ACSS3: variants seen among roughly 807,000 people sequenced by gnomAD.
ACSS3 encodes acyl-CoA synthetase short chain family member 3, also known as acyl-CoA synthetase short-chain family member 3, mitochondrial.
ACSS3 carries 64 observed loss-of-function variants against 84.2 expected under a neutral mutation model. The observed-to-expected ratio is 0.76, with a 90% CI of 0.62 to 0.94. The LOEUF is 0.94. Among genes scored for constraint, ACSS3 ranks in the 40% least tolerant of loss-of-function variants. The probability of loss-of-function intolerance (pLI) is 0.00; values close to 1 mark genes in which losing one functional copy is unlikely to be tolerated. For synonymous variants in ACSS3, 317 were observed against 310.1 expected, an observed-to-expected ratio of 1.02 and a Z score of -0.23; for missense variants, 815 against 867.6, an observed-to-expected ratio of 0.94 and a Z score of 0.76.
At chr12:81,111,566 C>T (rs144244708) in intron 2 of ACSS3, among the ~76,000 whole-genome samples, 88 of 152,266 alleles carry the variant, frequency 5.8e-4, no homozygotes, top group East Asian at 3.9e-3. Context: ...CGATCCCAGA[C>T]GGGATAGGGC....
chr12:81,180,234 G>C (rs772455353), intron 8 of ACSS3, among the ~76,000 whole-genome samples: 2 of 152,102 alleles, frequency 1.3e-5, no homozygotes, highest in Non-Finnish European at 2.9e-5. Context: ...AGAGTGTGGA[G>C]GATCAGGATC....
chr12:81,214,358 A>C (rs1176309988), intron 9 of ACSS3, among the ~76,000 whole-genome samples: 1 of 152,144 alleles, frequency 6.6e-6, no homozygotes, highest in Admixed American at 6.5e-5. Flanking sequence ...CTTTGAATGA[A>C]TCAATCAAAA....
intron 9 of ACSS3, among the ~76,000 whole-genome samples, chr12:81,203,661 C>T (rs2032211103): frequency 6.6e-6 from 1 of 152,120 alleles, no homozygotes; most frequent in Non-Finnish European, 1.5e-5. Context: ...TTGTTCACCA[C>T]CACTGAAGCA....
chr12:81,238,312 T>C (rs2033691479), intron 13 of ACSS3, among the ~76,000 whole-genome samples: 1 of 151,774 alleles, frequency 6.6e-6, no homozygotes, highest in Non-Finnish European at 1.5e-5. Flanking sequence ...ATTAATACAA[T>C]GGGAATATTT....
intron 2 of ACSS3, among the ~76,000 whole-genome samples, chr12:81,119,572 A>G (rs1450576328): frequency 1.3e-5 from 2 of 152,110 alleles, no homozygotes; most frequent in Non-Finnish European, 2.9e-5. Context: ...CCAGGAATGC[A>G]TTCCTTTCCC....
chr12:81,177,038 T>C (rs1294067973), intron 8 of ACSS3, among the ~76,000 whole-genome samples: 1 of 152,076 alleles, frequency 6.6e-6, no homozygotes, highest in African/African-American at 2.4e-5. Flanking sequence ...ATATGAGTCA[T>C]CACATAAAAA....
chr12:81,224,573 C>T (rs997882071), intron 11 of ACSS3, among the ~76,000 whole-genome samples: 17 of 135,204 alleles, frequency 1.3e-4, no homozygotes, highest in African/African-American at 4.6e-4. Flanking sequence ...CACACACACA[C>T]ATGTGTGTGT....
At chr12:81,107,511 C>CACATATATATAT (rs1403415163) in intron 1 of ACSS3, among the ~76,000 whole-genome samples, 1 of 38,828 alleles carries the variant, frequency 2.6e-5, no homozygotes, top group African/African-American at 8.5e-5. Flanking sequence ...CAAATATATA[C>CACATATATATAT]ATATATATAT....
intron 7 of ACSS3, among the ~76,000 whole-genome samples, chr12:81,171,319 A>G (rs2030028063): frequency 6.6e-6 from 1 of 152,180 alleles, no homozygotes; most frequent in Non-Finnish European, 1.5e-5. Context: ...CTTAATATAT[A>G]TGTTAATCAT....
intron 2 of ACSS3, among the ~76,000 whole-genome samples, chr12:81,126,086 C>T (rs118140098): frequency 0.017 from 2,627 of 152,230 alleles, 45 homozygotes; most frequent in South Asian, 0.028. Flanking sequence ...CATAACAAGA[C>T]TCTGTATCAT....
chr12:81,208,810 G>A (rs183722382), intron 9 of ACSS3, among the ~76,000 whole-genome samples: 11 of 152,164 alleles, frequency 7.2e-5, no homozygotes, highest in African/African-American at 1.4e-4. Context: ...TTTGCTCTGC[G>A]GAATAACTCA....
rs563749068 is a variant in ACSS3 at position 81,187,477 on chromosome 12, G to A, written c.1251-11864G>A. Among the ~76,000 whole-genome samples, 42 of 151,816 alleles carry A rather than the reference G, an allele frequency of 2.8e-4. 1 individual carries two copies. The highest frequency in any genetic ancestry group is 9.2e-4 in the African/African-American group (38 of 41,490). ...AGCTCATATTCAGAGCTAATACTCC[G>A]GTTAGAATGATAAAATGACAATGCC... On this transcript the variant is annotated intron_variant, in intron 8 of 15. Coordinates refer to ENST00000548058, the MANE Select transcript of ACSS3 (RefSeq NM_024560.4).
intron 8 of ACSS3, among the ~76,000 whole-genome samples, chr12:81,181,778 A>G (rs929193699): frequency 6.9e-6 from 1 of 145,016 alleles, no homozygotes; most frequent in Admixed American, 6.8e-5. Context: ...AGCAATAGAG[A>G]GCTACAATAG....
At chr12:81,131,751 T>C (rs1336491297) in intron 2 of ACSS3, among the ~76,000 whole-genome samples, 3 of 152,160 alleles carry the variant, frequency 2.0e-5, no homozygotes, top group Non-Finnish European at 4.4e-5. Context: ...CGGTATGATA[T>C]TGGCTGTGGG....
At chr12:81,229,393 T>C (rs2033380784) in intron 11 of ACSS3, among the ~76,000 whole-genome samples, 1 of 151,904 alleles carries the variant, frequency 6.6e-6, no homozygotes, top group African/African-American at 2.4e-5. Flanking sequence ...TCCTCTTTGC[T>C]TTTTCACCTT....
intron 1 of ACSS3, among the ~76,000 whole-genome samples, chr12:81,087,534 CTA>C (rs1881397199): frequency 1.3e-5 from 2 of 149,260 alleles, no homozygotes; most frequent in South Asian, 4.2e-4. Flanking sequence ...TTTAGTAAGA[CTA>C]AAAAAAAAAT....
At position 81,133,169 on chromosome 12, in the gene ACSS3, T is replaced by G. The variant is rs149465688; in HGVS notation, c.457-1647T>G. On this transcript the variant is annotated intron_variant, in intron 2 of 15. Coordinates refer to ENST00000548058, the MANE Select transcript of ACSS3 (RefSeq NM_024560.4). ...CAGATCCCTTAACCTTCACCACACC[T>G]GTCCCCATCCATACAGAGGAAGTGA... is the stretch of plus-strand genomic sequence containing the variant. 2.4e-3 allele frequency among the ~76,000 whole-genome samples: 367 copies of G among 152,070 alleles called. 2 individuals are homozygous for G. Among genetic ancestry groups the G allele is most frequent in the African/African-American group, 8.3e-3 (343 of 41,482 alleles).
At chr12:81,093,216 A>G (rs12318958) in intron 1 of ACSS3, among the ~76,000 whole-genome samples, 21,771 of 152,022 alleles carry the variant, frequency 0.14, 1,771 homozygotes, top group African/African-American at 0.22. Context: ...TTGTGAGGCC[A>G]AGGTAAGCGG....
chr12:81,216,718 G>A (rs948921046), intron 9 of ACSS3, among the ~76,000 whole-genome samples, 183 bp from the exon 10 acceptor site: 3 of 151,978 alleles, frequency 2.0e-5, no homozygotes, highest in African/African-American at 7.3e-5. Context: ...TTTTAATACT[G>A]TGGATATGTT....
Sources: allele counts gnomAD v4.1 joint callset (sites outside exome capture counted in the v4.1 genomes callset), GRCh38; gene constraint gnomAD v4.1.1; transcripts MANE v1.5; gene names NCBI Gene and HGNC (gene_info 2026-07-23, HGNC 2026-07-21).